Variants in PARD6B observed in about 807,000 individuals in gnomAD.
PARD6B encodes partitioning defective 6 homolog beta.
A neutral mutation model predicts 10.5 loss-of-function variants in PARD6B; 4 were observed. The observed-to-expected ratio is 0.38, with a 90% CI of 0.19 to 0.87. PARD6B has a LOEUF of 0.87. PARD6B is among the 40% of genes least tolerant of loss of function. The pLI is 0.41. For synonymous variants in PARD6B, 169 were observed against 170.4 expected, an observed-to-expected ratio of 0.99 and a Z score of 0.07; for missense variants, 396 against 470.6, an observed-to-expected ratio of 0.84 and a Z score of 1.47.
At chr20:50,735,043 C>T (rs1397063104) in intron 1 of PARD6B, among the ~76,000 whole-genome samples, 1 of 152,004 alleles carries the variant, frequency 6.6e-6, no homozygotes, top group Non-Finnish European at 1.5e-5. Context: ...CCAGCTACTC[C>T]GGAGGCTGAT....
intron 2 of PARD6B, among the ~76,000 whole-genome samples, chr20:50,746,615 C>A (rs1270526950): frequency 1.3e-5 from 2 of 152,162 alleles, no homozygotes; most frequent in African/African-American, 4.8e-5. Flanking sequence ...ATTTTCTTTC[C>A]CAGTGGCTGG....
chr20:50,732,056 G>T (rs1314604480), intron 1 of PARD6B, among the ~76,000 whole-genome samples: 1 of 152,244 alleles, frequency 6.6e-6, no homozygotes, highest in Non-Finnish European at 1.5e-5. Context: ...CCCTGGCCCG[G>T]GCAGGAAGAA....
chr20:50,742,085 C>G (rs926480880), intron 2 of PARD6B, among the ~76,000 whole-genome samples: 8 of 152,140 alleles, frequency 5.3e-5, no homozygotes, highest in Non-Finnish European at 1.0e-4. Context: ...TTAAGTCTTG[C>G]TCTGTCACCC....
chr20:50,750,830 C>G lies in PARD6B; in HGVS notation c.*342C>G. The G allele has an allele frequency of 9.7e-7, 1 of 1,031,742 alleles. No homozygotes were observed. The highest frequency in any genetic ancestry group is 1.2e-6 in the Non-Finnish European group (1 of 858,254). The allele number at this position is 1,031,742 out of a possible 1,614,324, so 63.9% of individuals were successfully genotyped here. On this transcript the variant is annotated 3_prime_UTR_variant, in exon 3 of 3. Coordinates refer to ENST00000371610, the MANE Select transcript of PARD6B (RefSeq NM_032521.3). ...GTGGTTGCATATTTAACCTGCTGTG[C>G]AGAGCCCAGTTAATTTTTCCTTTAA...
chr20:50,742,232 C>T (rs2087534736), intron 2 of PARD6B, among the ~76,000 whole-genome samples: 1 of 152,028 alleles, frequency 6.6e-6, no homozygotes, highest in Non-Finnish European at 1.5e-5. Context: ...TTAGTAGAGA[C>T]AGGGTTTTGC....
chr20:50,734,201 G>C (rs1457634481), intron 1 of PARD6B, among the ~76,000 whole-genome samples: 1 of 152,144 alleles, frequency 6.6e-6, no homozygotes, highest in East Asian at 1.9e-4. Flanking sequence ...TTTATTTTCA[G>C]TAGATTGAAA....
Position 50,731,674 on chromosome 20 carries a change from A to G in PARD6B, c.-113A>G, listed in dbSNP as rs143376336. The G allele has an allele frequency of 2.2e-3, 2,044 of 922,470 alleles. 29 individuals are homozygous for G. In the African/African-American group the frequency reaches 0.029, roughly 13 times the overall value. The allele number at this position is 922,470 out of a possible 1,614,324, so 57.1% of individuals were successfully genotyped here. ...GCCGCCCCCTCTGCAGGTGCCTGTG[A>G]GGAGGCGCCCGGGCCGCAACCGCTT... On this transcript the variant is annotated 5_prime_UTR_variant, in exon 1 of 3. Transcript: ENST00000371610.
Position 50,753,311 on chromosome 20 carries a change from ATATAT to A in PARD6B, c.*2825_*2829del. On this transcript the variant is annotated 3_prime_UTR_variant, in exon 3 of 3. Coordinates refer to ENST00000371610, the MANE Select transcript of PARD6B (RefSeq NM_032521.3). ...TATTGGTGAAATAATTGATTACTAG[ATATAT>A]TGTAAAACCAATAGATCCTGGTTAT... is the stretch of plus-strand genomic sequence containing the variant. 1.0e-6 allele frequency: 1 copy of A among 984,442 alleles called. No individual in the cohort carries two copies. The highest frequency in any genetic ancestry group is 1.7e-5 in the African/African-American group (1 of 57,314). 61.0% of individuals were successfully genotyped at this position (984,442 alleles called of 1,614,324 possible).
chr20:50,750,112 C>A lies in PARD6B; in HGVS notation c.743C>A (p.Pro248Gln), dbSNP rs763915421. 2 of 1,614,008 alleles carry A rather than the reference C, an allele frequency of 1.2e-6. No homozygotes were observed. The highest frequency in any genetic ancestry group is 1.7e-6 in the Non-Finnish European group (2 of 1,180,034). Residue 248 changes from proline (P) to glutamine (Q), a missense_variant, in exon 3 of 3, where the codon CCG (proline) becomes CAG (glutamine). This residue lies in a region of PARD6B where 188 missense variants were observed against 169.7 expected (regional missense o/e 1.11). Coordinates refer to ENST00000371610, the MANE Select transcript of PARD6B (RefSeq NM_032521.3). ...NSRNLIITVR[P>Q]ANQRNNVVRN... ...CGTAACCTCATCATAACAGTGAGAC[C>A]GGCAAACCAGAGGAATAATGTTGTG...
intron 2 of PARD6B, among the ~76,000 whole-genome samples, chr20:50,745,172 G>A (rs537162363): frequency 6.6e-6 from 1 of 152,222 alleles, no homozygotes; most frequent in Non-Finnish European, 1.5e-5. Flanking sequence ...GCTCACGCCT[G>A]TAATCCCAGC....
At position 50,750,604 on chromosome 20, in the gene PARD6B, G is replaced by C; in HGVS notation, c.*116G>C. The stretch of plus-strand genomic sequence containing the variant: ...GTGGAATAGGCATGAGACGAGTAAC[G>C]TTGCAAGCTTACAATATTATTAAAG... On this transcript the variant is annotated 3_prime_UTR_variant, in exon 3 of 3. Transcript: ENST00000371610. 1 of 1,437,382 alleles carries C rather than the reference G, an allele frequency of 7.0e-7. No individual in the cohort carries two copies. The highest frequency in any genetic ancestry group is 9.1e-7 in the Non-Finnish European group (1 of 1,099,692). 89.0% of individuals were successfully genotyped at this position (1,437,382 alleles called of 1,614,324 possible).
chr20:50,745,168 G>A (rs943150900), intron 2 of PARD6B, among the ~76,000 whole-genome samples: 12 of 152,190 alleles, frequency 7.9e-5, no homozygotes, highest in Middle Eastern at 3.4e-3. Flanking sequence ...AGTGGCTCAC[G>A]CCTGTAATCC....
chr20:50,739,619 C>T (rs1329157432), intron 2 of PARD6B, among the ~76,000 whole-genome samples: 1 of 152,098 alleles, frequency 6.6e-6, no homozygotes, highest in Non-Finnish European at 1.5e-5. Context: ...CAAAATAAAC[C>T]TCCAAGGATA....
At chr20:50,736,695 G>GTTTTTTTTTT (rs869114685) in intron 1 of PARD6B, among the ~76,000 whole-genome samples, 1 of 139,580 alleles carries the variant, frequency 7.2e-6, no homozygotes, top group African/African-American at 2.6e-5. Flanking sequence ...TAGTGTTTTG[G>GTTTTTTTTTT]TTTTTTTTTT....
chr20:50,731,825 C>G lies in PARD6B; in HGVS notation c.39C>G (p.Cys13Trp). The change falls in exon 1 of 3, where the codon TGC (cysteine) becomes TGG (tryptophan). Residue 13 changes from cysteine to tryptophan, a missense_variant. Around this residue, in one of 2 missense-constraint regions of PARD6B, gnomAD observed 208 missense variants for 300.9 expected, o/e 0.69. Transcript: ENST00000371610. ...RSHRHGAGSG[C>W]LGTMEVKSKF... is the part of the protein sequence containing the mutation. ...ACCGGCACGGGGCGGGCAGCGGCTG[C>G]CTGGGCACTATGGAGGTGAAGAGCA... 1 of 1,463,946 alleles carries G rather than the reference C, an allele frequency of 6.8e-7. No individual in the cohort carries two copies. Among genetic ancestry groups the G allele is most frequent in the South Asian group, 1.3e-5 (1 of 76,476 alleles). 90.7% of individuals were successfully genotyped at this position (1,463,946 alleles called of 1,614,324 possible).
intron 2 of PARD6B, among the ~76,000 whole-genome samples, chr20:50,747,425 G>A (rs1430442406): frequency 6.6e-6 from 1 of 151,466 alleles, no homozygotes; most frequent in Non-Finnish European, 1.5e-5. Context: ...TTTTGTGGAG[G>A]AGGAGGGAAG....
intron 2 of PARD6B, among the ~76,000 whole-genome samples, chr20:50,743,617 A>G (rs2087543085): frequency 6.6e-6 from 1 of 152,194 alleles, no homozygotes; most frequent in South Asian, 2.1e-4. Flanking sequence ...AATGAAAAAA[A>G]TAAATTACAG....
At chr20:50,740,132 AT>A (rs373176542) in intron 2 of PARD6B, among the ~76,000 whole-genome samples, 79 of 152,334 alleles carry the variant, frequency 5.2e-4, no homozygotes, top group African/African-American at 1.9e-3. Context: ...CAGGGTAGAA[AT>A]CCAAAAACTA....
Position 50,752,748 on chromosome 20 carries a change from A to G in PARD6B, c.*2260A>G, listed in dbSNP as rs570333273. 5.1e-6 allele frequency: 5 copies of G among 982,186 alleles called. No homozygotes were observed. The highest frequency in any genetic ancestry group is 4.7e-5 in the South Asian group (1 of 21,198). The allele number at this position is 982,186 out of a possible 1,614,324, so 60.8% of individuals were successfully genotyped here. A position where few individuals can be genotyped will look rare whatever the true frequency, so the allele number is the denominator to read the frequency against. On this transcript the variant is annotated 3_prime_UTR_variant, in exon 3 of 3. Coordinates refer to ENST00000371610, the MANE Select transcript of PARD6B (RefSeq NM_032521.3). ...GTTTTCTCTATATGGTAAAATATAT[A>G]TGAAGAAGTCTTGATTACGTGAAGA... is the stretch of plus-strand genomic sequence containing the variant.
Sources: gnomAD v4.1 joint callset for allele counts (sites outside exome capture counted in the v4.1 genomes callset) on GRCh38, gnomAD v4.1.1 for gene constraint, gnomAD v4.1.1 regional missense constraint, MANE v1.5 for transcripts, NCBI Gene and HGNC (gene_info 2026-07-23, HGNC 2026-07-21) for gene names.